Variants in MCCC2 observed in about 807,000 individuals in gnomAD.
MCCC2 encodes methylcrotonoyl-CoA carboxylase beta chain, mitochondrial.
A neutral mutation model predicts 77.2 loss-of-function variants in MCCC2; 52 were observed. The observed-to-expected ratio is 0.67, with a 90% CI of 0.54 to 0.85. The LOEUF is 0.85. Among genes scored for constraint, MCCC2 ranks in the 40% least tolerant of loss-of-function variants. MCCC2 has a pLI of 0.00. For missense variants in MCCC2, 682 were observed against 703.2 expected (o/e 0.97, Z 0.34); for synonymous variants, 253 against 248.4 (o/e 1.02, Z -0.18).
intron 10 of MCCC2, among the ~76,000 whole-genome samples, chr5:71,638,557 G>A (rs1056675871): frequency 6.6e-6 from 1 of 151,988 alleles, no homozygotes; most frequent in Non-Finnish European, 1.5e-5. Context: ...GTCTCGCTCT[G>A]TCGCCCAGGC....
chr5:71,642,208 G>T (rs1747139575), intron 11 of MCCC2, among the ~76,000 whole-genome samples: 1 of 151,040 alleles, frequency 6.6e-6, no homozygotes, highest in Admixed American at 6.6e-5. Context: ...GAGAAGGGGA[G>T]TGAGAAGGAG....
intron 3 of MCCC2, among the ~76,000 whole-genome samples, chr5:71,598,290 C>G (rs754460078): frequency 6.6e-6 from 1 of 151,860 alleles, no homozygotes; most frequent in Non-Finnish European, 1.5e-5. Flanking sequence ...AGGATGGTCT[C>G]AATCTCTTGA....
intron 8 of MCCC2, among the ~76,000 whole-genome samples, chr5:71,633,327 G>A (rs1005807771): frequency 3.3e-5 from 5 of 151,304 alleles, no homozygotes; most frequent in African/African-American, 1.2e-4. Context: ...TTATGTTAAG[G>A]GTGTAGATTC....
Position 71,648,952 on chromosome 5 carries a change from C to T in MCCC2, c.1217-145C>T, listed in dbSNP as rs59718312. The T allele has an allele frequency of 2.2e-3, 2,058 of 938,016 alleles. 24 individuals carry two copies. The African/African-American group carries it at 0.03, about 14-fold the overall frequency. 58.1% of individuals were successfully genotyped at this position (938,016 alleles called of 1,614,324 possible). ...TATCCTTTTAAAGCAAACTTTTTAA[C>T]GGTATGTTTCACATATAAACATTTT... On this transcript the variant is annotated intron_variant, in intron 13 of 16. Coordinates refer to ENST00000340941, the MANE Select transcript of MCCC2 (RefSeq NM_022132.5).
In MCCC2 at chr5:71,599,206, TA is replaced by T. The variant is rs1196284653; in HGVS notation, c.282-448del. The stretch of plus-strand genomic sequence containing the variant: ...CAACATGGTGAAACCCCGTCTCTAC[TA>T]AAAATACAAAAAATTAGCTGGTTGT... On this transcript the variant is annotated intron_variant, in intron 3 of 16. Coordinates refer to ENST00000340941, the MANE Select transcript of MCCC2 (RefSeq NM_022132.5). Among the ~76,000 whole-genome samples, 32 of 152,128 alleles carry T rather than the reference TA, an allele frequency of 2.1e-4. No homozygotes were observed. In the South Asian group the frequency reaches 6.0e-3, roughly 29 times the overall value.
intron 13 of MCCC2, among the ~76,000 whole-genome samples, chr5:71,647,927 G>T (rs892532283): frequency 5.6e-5 from 8 of 142,200 alleles, no homozygotes; most frequent in South Asian, 2.6e-4. Context: ...CCCCTCCAGA[G>T]AATAGAGGGA....
intron 8 of MCCC2, among the ~76,000 whole-genome samples, chr5:71,633,115 ATATATATATATATATATT>A (rs910706589): frequency 7.9e-5 from 3 of 38,020 alleles, no homozygotes; most frequent in African/African-American, 1.8e-4. Context: ...ATATATATAT[ATATATATATATATATATT>A]TTTATTTTTT....
Position 71,644,712 on chromosome 5 carries a change from A to C in MCCC2, c.1149+817A>C, listed in dbSNP as rs1747231680. Among the ~76,000 whole-genome samples the C allele has an allele frequency of 2.0e-5, 3 of 152,222 alleles. No individual in the cohort carries two copies. The South Asian group carries it at 6.2e-4, about 32-fold the overall frequency. On this transcript the variant is annotated intron_variant, in intron 12 of 16. Transcript: ENST00000340941. Reference sequence around the variant, plus strand: ...TTAGTATTGCTTTTTCTCTTGAAATAACAGGGTAAAAGTTCTCTTTATTGA... The same window carrying C: ...TTAGTATTGCTTTTTCTCTTGAAATCACAGGGTAAAAGTTCTCTTTATTGA...
At chr5:71,656,459 C>G (rs915425332) in intron 16 of MCCC2, among the ~76,000 whole-genome samples, 10 of 152,088 alleles carry the variant, frequency 6.6e-5, no homozygotes, top group African/African-American at 2.4e-4. Context: ...AACGTATTGT[C>G]AAATTAGGGG....
intron 1 of MCCC2, 146 bp from the exon 2 acceptor site, chr5:71,592,780 G>A: frequency 2.9e-6 from 2 of 694,578 alleles, no homozygotes; most frequent in Non-Finnish European, 5.2e-6. Context: ...GGCCCAGCGT[G>A]GCTGCCACAG....
chr5:71,622,498 CT>C (rs1274916341), intron 6 of MCCC2, among the ~76,000 whole-genome samples: 1 of 152,040 alleles, frequency 6.6e-6, no homozygotes, highest in East Asian at 1.9e-4. Context: ...AATTCAATGG[CT>C]TTTAGGATAT....
intron 15 of MCCC2, among the ~76,000 whole-genome samples, chr5:71,650,875 T>C (rs1266336120): frequency 6.6e-6 from 1 of 152,230 alleles, no homozygotes; most frequent in Non-Finnish European, 1.5e-5. Context: ...GGTCTCGATC[T>C]CCTGCCCTTG....
At chr5:71,604,625 C>T (rs1265680049) in intron 6 of MCCC2, among the ~76,000 whole-genome samples, 157 bp downstream of exon 6, 1 of 150,554 alleles carries the variant, frequency 6.6e-6, no homozygotes, top group Non-Finnish European at 1.5e-5. Flanking sequence ...TACATGTGCA[C>T]ATTGTGCAGG....
chr5:71,613,914 T>C (rs1746059717), intron 6 of MCCC2, among the ~76,000 whole-genome samples: 2 of 151,556 alleles, frequency 1.3e-5, no homozygotes, highest in Non-Finnish European at 2.9e-5. Flanking sequence ...GGAGACTCAA[T>C]ATATGATAAC....
chr5:71,609,136 T>A (rs1270950735), intron 6 of MCCC2, among the ~76,000 whole-genome samples: 21 of 152,132 alleles, frequency 1.4e-4, no homozygotes, highest in African/African-American at 4.6e-4. Flanking sequence ...TTGTGGAAGT[T>A]CTCCTGGATA....
In MCCC2 at chr5:71,658,560, T is replaced by G. The variant is rs1421237624; in HGVS notation, c.*1700T>G. On this transcript the variant is annotated 3_prime_UTR_variant, in exon 17 of 17. Transcript: ENST00000340941. ...CCCTGTACCTCCAATGTCTGGCACT[T>G]GTAGGTGCTCAAATATTCGTTGAAT... 6.6e-6 allele frequency: 1 copy of G among 152,236 alleles called. No homozygotes were observed. Among genetic ancestry groups the G allele is most frequent in the East Asian group, 1.9e-4 (1 of 5,198 alleles). The allele number at this position is 152,236 out of a possible 1,614,324, so 9.4% of individuals were successfully genotyped here.
chr5:71,603,586 C>T (rs1030495837), intron 5 of MCCC2, among the ~76,000 whole-genome samples: 49 of 152,192 alleles, frequency 3.2e-4, no homozygotes, highest in South Asian at 1.9e-3. Context: ...ACTCACAATA[C>T]GAACTGCTCT....
At position 71,634,925 on chromosome 5, in the gene MCCC2, A is replaced by G; in HGVS notation, c.804-18A>G. On this transcript the variant is annotated intron_variant, in intron 8 of 16. Coordinates refer to ENST00000340941, the MANE Select transcript of MCCC2 (RefSeq NM_022132.5). The stretch of plus-strand genomic sequence containing the variant: ...TCCTTTTCCCTGTTCTGACAAGTTT[A>G]GTTTGCTTATTCTGTAGAAAGTCTG... The G allele has an allele frequency of 6.2e-7, 1 of 1,608,934 alleles. No homozygotes were observed. Among genetic ancestry groups the G allele is most frequent in the South Asian group, 1.1e-5 (1 of 90,974 alleles).
intron 6 of MCCC2, among the ~76,000 whole-genome samples, chr5:71,625,578 T>C (rs1291702774): frequency 6.6e-6 from 1 of 152,260 alleles, no homozygotes; most frequent in Non-Finnish European, 1.5e-5. Context: ...CCTGTGCTCA[T>C]AGGCAAGTTT....
Sources: gnomAD v4.1 joint callset for allele counts (sites outside exome capture counted in the v4.1 genomes callset) on GRCh38, gnomAD v4.1.1 for gene constraint, MANE v1.5 for transcripts, NCBI Gene and HGNC (gene_info 2026-07-23, HGNC 2026-07-21) for gene names.